DSCAML1: variants seen among roughly 807,000 people sequenced by gnomAD.
DSCAML1 encodes DS cell adhesion molecule like 1, also known as cell adhesion molecule DSCAML1.
DSCAML1 carries 38 observed loss-of-function variants against 200.5 expected under a neutral mutation model. That is an observed-to-expected ratio of 0.19 (90% CI 0.15 to 0.25). The LOEUF is 0.25. Among genes scored for constraint, DSCAML1 ranks in the 10% least tolerant of loss-of-function variants. The pLI is 1.00. For synonymous variants in DSCAML1, 1,215 were observed against 1,165.0 expected, an observed-to-expected ratio of 1.04 and a Z score of -0.87; for missense variants, 2,223 against 2,858.8, an observed-to-expected ratio of 0.78 and a Z score of 5.07.
At position 117,696,019 on chromosome 11, in the gene DSCAML1, G is replaced by A. The variant is rs140082627; in HGVS notation, c.511+80772C>T. Among the ~76,000 whole-genome samples the A allele has an allele frequency of 5.1e-4, 77 of 152,304 alleles. 1 individual carries two copies. Among genetic ancestry groups the A allele is most frequent in the African/African-American group, 1.8e-3 (75 of 41,578 alleles). On this transcript the variant is annotated intron_variant, in intron 3 of 32. Coordinates refer to ENST00000651296, the MANE Select transcript of DSCAML1 (RefSeq NM_020693.4). ...CCATTGGAGAAGTGGAGGGATCACT[G>A]GAGAAGAGCTTGAAAAACAAGATGT... is the stretch of plus-strand genomic sequence containing the variant.
intron 1 of DSCAML1, among the ~76,000 whole-genome samples, chr11:117,809,945 A>T (rs1388990825): frequency 7.6e-6 from 1 of 132,278 alleles, no homozygotes; most frequent in Non-Finnish European, 1.5e-5. Context: ...ATATTCACAT[A>T]CACACATTCA....
chr11:117,645,966 T>C (rs1258396089), intron 3 of DSCAML1, among the ~76,000 whole-genome samples: 1 of 152,182 alleles, frequency 6.6e-6, no homozygotes, highest in African/African-American at 2.4e-5. Context: ...CAATATACAG[T>C]ATTAACAAAT....
upstream of DSCAML1, chr11:117,797,315 G>A (rs1591521406): frequency 7.7e-7 from 1 of 1,300,656 alleles, no homozygotes; most frequent in East Asian, 3.2e-5. Flanking sequence ...ACCCCGGGTG[G>A]TGAGCGCCGC....
At chr11:117,664,532 T>C in intron 3 of DSCAML1, among the ~76,000 whole-genome samples, 1 of 152,154 alleles carries the variant, frequency 6.6e-6, no homozygotes, top group East Asian at 1.9e-4. Context: ...TACATTGCTG[T>C]TTTGAGGTGT....
intron 3 of DSCAML1, among the ~76,000 whole-genome samples, chr11:117,570,037 A>G (rs1168474899): frequency 6.6e-6 from 1 of 152,128 alleles, no homozygotes; most frequent in Non-Finnish European, 1.5e-5. Flanking sequence ...CATGTTTGCC[A>G]GGCAAAGAAG....
At chr11:117,737,922 AC>A (rs2054349672) in intron 3 of DSCAML1, among the ~76,000 whole-genome samples, 1 of 152,122 alleles carries the variant, frequency 6.6e-6, no homozygotes, top group Admixed American at 6.5e-5. Context: ...TATTACACAC[AC>A]AGTGAGGAGT....
chr11:117,562,633 G>A (rs1442737982), intron 3 of DSCAML1, among the ~76,000 whole-genome samples: 1 of 152,228 alleles, frequency 6.6e-6, no homozygotes. Flanking sequence ...CTAGTTCTTG[G>A]CCAGTAGCTC....
At chr11:117,762,955 T>C (rs949901355) in intron 3 of DSCAML1, among the ~76,000 whole-genome samples, 1 of 152,048 alleles carries the variant, frequency 6.6e-6, no homozygotes, top group Non-Finnish European at 1.5e-5. Flanking sequence ...CAAATTTGAC[T>C]ATTATTTTAT....
chr11:117,470,076 C>T (rs1233305484), intron 15 of DSCAML1, 96 bp from the exon 16 acceptor site: 2 of 1,170,198 alleles, frequency 1.7e-6, no homozygotes, highest in South Asian at 2.3e-5. Context: ...AGCTGGAGGG[C>T]TCCTGGGGAG....
intron 3 of DSCAML1, among the ~76,000 whole-genome samples, chr11:117,592,002 A>T (rs2051268019): frequency 6.6e-6 from 1 of 152,144 alleles, no homozygotes; most frequent in South Asian, 2.1e-4. Context: ...GGCAGGGACA[A>T]CCTGGGCCAG....
chr11:117,590,367 T>TA (rs72401768), intron 3 of DSCAML1, among the ~76,000 whole-genome samples: 470 of 139,182 alleles, frequency 3.4e-3, no homozygotes, highest in South Asian at 0.016. Flanking sequence ...ATACATAACT[T>TA]AAAAAAAAAA....
At chr11:117,444,975 C>T (rs996857342) in intron 20 of DSCAML1, among the ~76,000 whole-genome samples, 2 of 152,158 alleles carry the variant, frequency 1.3e-5, no homozygotes, top group South Asian at 2.1e-4. Context: ...GGAGGGAGAG[C>T]AGCCCCAGAA....
At chr11:117,726,238 T>G (rs573893438) in intron 3 of DSCAML1, among the ~76,000 whole-genome samples, 1 of 150,932 alleles carries the variant, frequency 6.6e-6, no homozygotes, top group African/African-American at 2.5e-5. Flanking sequence ...TGAATGAGGT[T>G]GTGTGTGTAT....
chr11:117,815,259 G>C (rs1415717678), intron 1 of DSCAML1, among the ~76,000 whole-genome samples: 3 of 152,202 alleles, frequency 2.0e-5, no homozygotes, highest in Admixed American at 6.5e-5. Flanking sequence ...CCCCTGAAAA[G>C]TCACAGCTCC....
intron 11 of DSCAML1, among the ~76,000 whole-genome samples, chr11:117,485,129 C>G (rs904472480): frequency 6.6e-6 from 1 of 152,186 alleles, no homozygotes; most frequent in Non-Finnish European, 1.5e-5. Context: ...GCCAATGAAG[C>G]AGGGACCATG....
chr11:117,486,249 CGG>C (rs1565730792), intron 11 of DSCAML1, among the ~76,000 whole-genome samples: 5 of 122,172 alleles, frequency 4.1e-5, no homozygotes, highest in Non-Finnish European at 7.4e-5. Context: ...GGGAAAGTGG[CGG>C]ATGGGAAAGT....
chr11:117,772,809 C>T (rs904277612), intron 3 of DSCAML1, among the ~76,000 whole-genome samples: 1 of 152,190 alleles, frequency 6.6e-6, no homozygotes. Flanking sequence ...CCAACCCTGC[C>T]AGCCTTGGAG....
At chr11:117,550,897 A>C (rs1002707568) in intron 3 of DSCAML1, among the ~76,000 whole-genome samples, 2 of 152,136 alleles carry the variant, frequency 1.3e-5, no homozygotes, top group Non-Finnish European at 2.9e-5. Flanking sequence ...GCCTGCCTGT[A>C]TCTCTCTCTC....
chr11:117,431,385 A>C, intron 31 of DSCAML1, 149 bp downstream of exon 31: 1 of 736,200 alleles, frequency 1.4e-6, no homozygotes, highest in Non-Finnish European at 2.1e-6. Context: ...CCAGCTGCAC[A>C]GTGGGTCAGT....
Sources: allele counts gnomAD v4.1 joint callset (sites outside exome capture counted in the v4.1 genomes callset), GRCh38; gene constraint gnomAD v4.1.1; transcripts MANE v1.5; gene names NCBI Gene and HGNC (gene_info 2026-07-23, HGNC 2026-07-21).